PGRMC1: variants seen among roughly 807,000 people sequenced by gnomAD.
The protein encoded by PGRMC1 is progesterone receptor membrane component 1, also known as membrane-associated progesterone receptor component 1.
For synonymous variants in PGRMC1, 73 were observed against 77.3 expected (o/e 0.94, Z 0.29); for missense variants, 145 against 169.0 (o/e 0.86, Z 0.79).
chrX:119,240,548 C>A, intron 2 of PGRMC1, 84 bp downstream of exon 2: 1 of 818,491 alleles, frequency 1.2e-6, no homozygotes, highest in Non-Finnish European at 1.8e-6. Flanking sequence ...TACTAAGCAG[C>A]CTGAAACTTG....
intron 2 of PGRMC1, among the ~76,000 whole-genome samples, chrX:119,241,046 AAT>A (rs1438789533): frequency 1.1e-4 from 12 of 111,829 alleles, no homozygotes; most frequent in African/African-American, 3.9e-4. Context: ...GAGAAATAGG[AAT>A]GAGGGGTTAA....
At chrX:119,242,561 C>T (rs778760822) in intron 2 of PGRMC1, among the ~76,000 whole-genome samples, 4 of 111,240 alleles carry the variant, frequency 3.6e-5, no homozygotes, top group East Asian at 2.8e-4. Flanking sequence ...GTCATTCCTT[C>T]GCTTATAAAC....
At position 119,242,274 on chromosome X, in the gene PGRMC1, ATG is replaced by A. The variant is rs751911200; in HGVS notation, c.485-874_485-873del. 4.6e-3 allele frequency among the ~76,000 whole-genome samples: 499 copies of A among 108,556 alleles called. 2 individuals carry two copies. Among genetic ancestry groups the A allele is most frequent in the Non-Finnish European group, 8.0e-3 (421 of 52,382 alleles). The allele number at this position is 108,556 out of a possible 115,157, so 94.3% of individuals were successfully genotyped here. A position where few individuals can be genotyped will look rare whatever the true frequency, so the allele number is the denominator to read the frequency against. On this transcript the variant is annotated intron_variant, in intron 2 of 2. Transcript: ENST00000217971. ...CATTCCATGTTTTAGATCTCCTGTCATGTGAGCCTCCAGAATGGCTCCCTCCA... is the reference window on the plus strand; with the variant it reads ...CATTCCATGTTTTAGATCTCCTGTCATGAGCCTCCAGAATGGCTCCCTCCA...
rs1201089129 is a variant in PGRMC1, at chrX:119,243,265, G to T, written c.*11G>T. 2.8e-6 allele frequency: 3 copies of T among 1,060,125 alleles called. No individual in the cohort carries two copies. The highest frequency in any genetic ancestry group is 2.2e-5 in the Admixed American group (1 of 45,598). 87.4% of individuals were successfully genotyped at this position (1,060,125 alleles called of 1,213,427 possible). On this transcript the variant is annotated 3_prime_UTR_variant, in exon 3 of 3. Transcript: ENST00000217971. ...CGGAAAAATGATTAAAGCATTCAGTGGAAGTATATCTATTTTTGTATTTTG... is the reference window on the plus strand; with the variant it reads ...CGGAAAAATGATTAAAGCATTCAGTTGAAGTATATCTATTTTTGTATTTTG...
rs1930896005 is a variant in PGRMC1 at position 119,244,413 on chromosome X, C to A, written c.*1159C>A. 1 of 112,562 alleles carries A rather than the reference C, an allele frequency of 8.9e-6. No homozygotes were observed. The highest frequency in any genetic ancestry group is 1.9e-5 in the Non-Finnish European group (1 of 53,244). The allele number at this position is 112,562 out of a possible 1,213,427, so 9.3% of individuals were successfully genotyped here. On this transcript the variant is annotated 3_prime_UTR_variant, in exon 3 of 3. Coordinates refer to ENST00000217971, the MANE Select transcript of PGRMC1 (RefSeq NM_006667.5). ...TGTGTTTTATGATTTTACCTCAAAT[C>A]AGAAAACAAAATGATGTGCTTTGGT...
At chrX:119,239,099 T>A (rs1156289033) in intron 1 of PGRMC1, among the ~76,000 whole-genome samples, 8 of 112,275 alleles carry the variant, frequency 7.1e-5, no homozygotes, top group African/African-American at 2.6e-4. Flanking sequence ...ACCAAGCCAA[T>A]GACCATAATT....
At chrX:119,243,057 T>C (rs1176578271) in intron 2 of PGRMC1, 94 bp from the exon 3 acceptor site, 3 of 585,899 alleles carry the variant, frequency 5.1e-6, no homozygotes, top group Non-Finnish European at 8.9e-6. Flanking sequence ...CTGAGTATAT[T>C]GCAGGCCTCT....
rs1194009645 is a variant in PGRMC1, at chrX:119,244,458, T to C, written c.*1204T>C. On this transcript the variant is annotated 3_prime_UTR_variant, in exon 3 of 3. Coordinates refer to ENST00000217971, the MANE Select transcript of PGRMC1 (RefSeq NM_006667.5). ...TTTGGTCAGTTAATAAAAATGGTTTTACCCACTATAGTGTGGTGACTTATT... is the reference window on the plus strand; with the variant it reads ...TTTGGTCAGTTAATAAAAATGGTTTCACCCACTATAGTGTGGTGACTTATT... 1 of 112,980 alleles carries C rather than the reference T, an allele frequency of 8.9e-6. No homozygotes were observed. The highest frequency in any genetic ancestry group is 3.2e-5 in the African/African-American group (1 of 30,984). The allele number at this position is 112,980 out of a possible 1,213,427, so 9.3% of individuals were successfully genotyped here. A position where few individuals can be genotyped will look rare whatever the true frequency, so the allele number is the denominator to read the frequency against.
rs767572123 is a variant in PGRMC1, at chrX:119,243,185, G to C, written c.519G>C (p.Glu173Asp). Residue 173 changes from glutamate to aspartate, a missense_variant, in exon 3 of 3, where the codon GAG becomes GAC. By Grantham distance (45) the Glu-to-Asp change is conservative. Transcript: ENST00000217971. ...ATCACGTGGGCAAACTGCTGAAGGAGGGGGAGGAGCCCACTGTGTACTCAG... is the reference window on the plus strand; with the variant it reads ...ATCACGTGGGCAAACTGCTGAAGGACGGGGAGGAGCCCACTGTGTACTCAG... ...KYHHVGKLLK[E>D]GEEPTVYSDE... 2.5e-6 allele frequency: 3 copies of C among 1,204,453 alleles called. No individual in the cohort carries two copies. The highest frequency in any genetic ancestry group is 3.4e-6 in the Non-Finnish European group (3 of 889,745).
chrX:119,236,725 A>G, intron 1 of PGRMC1, 34 bp downstream of exon 1: 1 of 1,101,266 alleles, frequency 9.1e-7, no homozygotes, highest in South Asian at 2.1e-5. Flanking sequence ...TGGAGACAAA[A>G]GAAGGGGGCC....
At chrX:119,238,307 C>T in intron 1 of PGRMC1, among the ~76,000 whole-genome samples, 1 of 111,766 alleles carries the variant, frequency 8.9e-6, no homozygotes, top group East Asian at 2.8e-4. Flanking sequence ...CTTCCACCTC[C>T]ATTTCCCAAA....
rs1396383472 is a variant in PGRMC1 at position 119,244,135 on chromosome X, A to G, written c.*881A>G. ...TCATGCACACCCCTGAACCACGAGG[A>G]AACAGTACAGTCGCTAGTCAAGTGG... On this transcript the variant is annotated 3_prime_UTR_variant, in exon 3 of 3. Coordinates refer to ENST00000217971, the MANE Select transcript of PGRMC1 (RefSeq NM_006667.5). 4 of 112,282 alleles carry G rather than the reference A, an allele frequency of 3.6e-5. No individual in the cohort carries two copies. Among genetic ancestry groups the G allele is most frequent in the Non-Finnish European group, 7.5e-5 (4 of 53,246 alleles). The allele number at this position is 112,282 out of a possible 1,213,427, so 9.3% of individuals were successfully genotyped here.
At position 119,243,196 on chromosome X, in the gene PGRMC1, C is replaced by A. The variant is rs937086691; in HGVS notation, c.530C>A (p.Pro177His). 3 of 1,205,829 alleles carry A rather than the reference C, an allele frequency of 2.5e-6. No individual in the cohort carries two copies. The highest frequency in any genetic ancestry group is 2.2e-5 in the Admixed American group (1 of 46,051). The change falls in exon 3 of 3, where the codon CCC becomes CAC. Residue 177 changes from proline to histidine, a missense_variant. By Grantham distance (77) the Pro-to-His change is moderately conservative (BLOSUM62 -2). Coordinates refer to ENST00000217971, the MANE Select transcript of PGRMC1 (RefSeq NM_006667.5). ...AAACTGCTGAAGGAGGGGGAGGAGC[C>A]CACTGTGTACTCAGATGAGGAAGAA... The part of the protein sequence containing the change: ...VGKLLKEGEE[P>H]TVYSDEEEPK...
chrX:119,237,747 T>C (rs140200235), intron 1 of PGRMC1, among the ~76,000 whole-genome samples: 1 of 110,922 alleles, frequency 9.0e-6, no homozygotes, highest in African/African-American at 3.3e-5. Flanking sequence ...GCTGCACTGC[T>C]GAGCTGTTGG....
Position 119,244,408 on chromosome X carries a change from C to G in PGRMC1, c.*1154C>G, listed in dbSNP as rs965199987. ...TGAACTGTGTTTTATGATTTTACCT[C>G]AAATCAGAAAACAAAATGATGTGCT... On this transcript the variant is annotated 3_prime_UTR_variant, in exon 3 of 3. Coordinates refer to ENST00000217971, the MANE Select transcript of PGRMC1 (RefSeq NM_006667.5). The G allele has an allele frequency of 5.3e-5, 6 of 112,386 alleles. No homozygotes were observed. The highest frequency in any genetic ancestry group is 1.9e-4 in the African/African-American group (6 of 30,786). The allele number at this position is 112,386 out of a possible 1,213,427, so 9.3% of individuals were successfully genotyped here.
chrX:119,242,989 G>A (rs1386540354), intron 2 of PGRMC1, among the ~76,000 whole-genome samples, 162 bp from the exon 3 acceptor site: 1 of 112,640 alleles, frequency 8.9e-6, no homozygotes, highest in East Asian at 2.8e-4. Flanking sequence ...CAAATTCCCT[G>A]TTGGCAAGGA....
At position 119,243,575 on chromosome X, in the gene PGRMC1, C is replaced by T; in HGVS notation, c.*321C>T. 1 of 242,030 alleles carries T rather than the reference C, an allele frequency of 4.1e-6. No individual in the cohort carries two copies. The highest frequency in any genetic ancestry group is 7.4e-6 in the Non-Finnish European group (1 of 135,436). 19.9% of individuals were successfully genotyped at this position (242,030 alleles called of 1,213,427 possible). ...AGGAAGACTTGGGTATTTCCCAAAACAGGTAAAAATCTTAAATGTGCACCA... is the reference window on the plus strand; with the variant it reads ...AGGAAGACTTGGGTATTTCCCAAAATAGGTAAAAATCTTAAATGTGCACCA... On this transcript the variant is annotated 3_prime_UTR_variant, in exon 3 of 3. Transcript: ENST00000217971.
intron 1 of PGRMC1, among the ~76,000 whole-genome samples, chrX:119,238,117 G>C (rs1930740297): frequency 8.9e-6 from 1 of 111,951 alleles, no homozygotes; most frequent in Non-Finnish European, 1.9e-5. Flanking sequence ...CACAAACTCA[G>C]GCATTCATTT....
Position 119,244,042 on chromosome X carries a change from G to GT in PGRMC1, c.*790dup, listed in dbSNP as rs781308755. The GT allele has an allele frequency of 4.5e-5, 5 of 112,042 alleles. No homozygotes were observed. The highest frequency in any genetic ancestry group is 9.4e-5 in the Admixed American group (1 of 10,604). The allele number at this position is 112,042 out of a possible 1,213,427, so 9.2% of individuals were successfully genotyped here. A position where few individuals can be genotyped will look rare whatever the true frequency, so the allele number is the denominator to read the frequency against. ...GTTATTTGGTTATTTTACTCAATTG[G>GT]TTACTCTCATTTGAAATGAGGGAGG... On this transcript the variant is annotated 3_prime_UTR_variant, in exon 3 of 3. Transcript: ENST00000217971.
Sources: allele counts gnomAD v4.1 joint callset (sites outside exome capture counted in the v4.1 genomes callset), GRCh38; gene constraint gnomAD v4.1.1; transcripts MANE v1.5; gene names NCBI Gene and HGNC (gene_info 2026-07-23, HGNC 2026-07-21).